The following STARD8 variants were observed in gnomAD, a reference collection of about 807,000 sequenced individuals.
STARD8 encodes stAR-related lipid transfer protein 8.
STARD8 carries 25 observed loss-of-function variants against 69.4 expected under a neutral mutation model. The observed-to-expected ratio is 0.36, with a 90% CI of 0.26 to 0.50. STARD8 has a LOEUF of 0.50. STARD8 is among the 20% of genes least tolerant of loss of function. STARD8 has a pLI of 0.96. For synonymous variants in STARD8, 389 were observed against 374.6 expected (o/e 1.04, Z -0.45); for missense variants, 921 against 932.5 (o/e 0.99, Z 0.16).
intron 2 of STARD8, among the ~76,000 whole-genome samples, chrX:68,665,921 G>A (rs1264872024): frequency 8.9e-6 from 1 of 112,094 alleles, no homozygotes; most frequent in Admixed American, 9.4e-5. Context: ...GTAAAGGAAG[G>A]AGACTTGGAA....
intron 1 of STARD8, among the ~76,000 whole-genome samples, chrX:68,659,774 GAGAA>G (rs971080619): frequency 6.3e-5 from 7 of 111,845 alleles, no homozygotes; most frequent in Admixed American, 4.7e-4. Flanking sequence ...CCCAAGGCAG[GAGAA>G]AGATTGGGGG....
At chrX:68,690,457 T>C (rs1167431660) in intron 2 of STARD8, among the ~76,000 whole-genome samples, 2 of 109,537 alleles carry the variant, frequency 1.8e-5, no homozygotes, top group African/African-American at 3.4e-5. Flanking sequence ...TTGGGAGTCC[T>C]CAGGTAGGCC....
intron 2 of STARD8, among the ~76,000 whole-genome samples, chrX:68,696,786 T>A (rs1362591146): frequency 1.8e-5 from 2 of 111,937 alleles, no homozygotes; most frequent in African/African-American, 6.5e-5. Context: ...TGGTGCTAGG[T>A]CTTGTGGAGG....
At chrX:68,648,763 T>C (rs1370081554) in intron 1 of STARD8, among the ~76,000 whole-genome samples, 4 of 112,052 alleles carry the variant, frequency 3.6e-5, no homozygotes, top group Non-Finnish European at 5.6e-5. Flanking sequence ...CCATGGGGGA[T>C]ACATGAGCAC....
intron 2 of STARD8, among the ~76,000 whole-genome samples, chrX:68,668,136 TTTC>T (rs1302713124): frequency 6.7e-5 from 7 of 104,476 alleles, no homozygotes; most frequent in Non-Finnish European, 1.4e-4. Context: ...TTTCTTTCTC[TTTC>T]TTTTCTTTCT....
intron 2 of STARD8, among the ~76,000 whole-genome samples, chrX:68,666,675 G>T (rs1231128918): frequency 8.9e-6 from 1 of 112,128 alleles, no homozygotes; most frequent in Non-Finnish European, 1.9e-5. Context: ...TGCCATGACA[G>T]CAGAGAAGAG....
At chrX:68,711,095 C>A (rs1467427022) in intron 2 of STARD8, among the ~76,000 whole-genome samples, 3 of 111,758 alleles carry the variant, frequency 2.7e-5, no homozygotes, top group Non-Finnish European at 3.8e-5. Context: ...CCCTGCCAGA[C>A]AGGTGGAGGT....
intron 2 of STARD8, among the ~76,000 whole-genome samples, chrX:68,697,726 G>A (rs761346514): frequency 1.3e-4 from 14 of 111,940 alleles, no homozygotes; most frequent in East Asian, 2.8e-4. Context: ...TTTCCCTTCC[G>A]CCCCAGTAAG....
rs150061669 is a variant in STARD8 at position 68,665,972 on chromosome X, A to G, written c.79+440A>G. ...CTGTTATATTCCCAGCACTTGCTTT[A>G]TCTAGAAGGCTTCCAACAGGAGGTA... is the stretch of plus-strand genomic sequence containing the variant. On this transcript the variant is annotated intron_variant, in intron 2 of 14. Coordinates refer to ENST00000374599, the MANE Select transcript of STARD8 (RefSeq NM_001142503.3). 3.7e-3 allele frequency among the ~76,000 whole-genome samples: 409 copies of G among 111,946 alleles called. 2 individuals carry two copies. The highest frequency in any genetic ancestry group is 0.013 in the African/African-American group (385 of 30,781).
intron 2 of STARD8, among the ~76,000 whole-genome samples, chrX:68,678,217 G>A (rs983117484): frequency 3.6e-5 from 4 of 111,551 alleles, no homozygotes; most frequent in African/African-American, 1.3e-4. Context: ...TCAATCAGGA[G>A]AAACAGTCAG....
At chrX:68,662,866 C>T (rs1320190423) in intron 1 of STARD8, among the ~76,000 whole-genome samples, 2 of 112,182 alleles carry the variant, frequency 1.8e-5, no homozygotes, top group African/African-American at 3.2e-5. Flanking sequence ...TGCATGTAAT[C>T]GACTCCCCCT....
chrX:68,652,934 C>CCA (rs1355979932), intron 1 of STARD8, among the ~76,000 whole-genome samples: 1 of 53,825 alleles, frequency 1.9e-5, no homozygotes, highest in Non-Finnish European at 3.3e-5. Context: ...ATCACACACA[C>CCA]CACACACACA....
At chrX:68,683,529 C>A (rs966929134) in intron 2 of STARD8, among the ~76,000 whole-genome samples, 3 of 112,173 alleles carry the variant, frequency 2.7e-5, no homozygotes, top group Non-Finnish European at 5.6e-5. Flanking sequence ...AAGGCCATGG[C>A]CTGGAGGCAT....
chrX:68,683,074 C>T (rs754233311), intron 2 of STARD8, among the ~76,000 whole-genome samples: 1 of 112,171 alleles, frequency 8.9e-6, no homozygotes, highest in Admixed American at 9.4e-5. Context: ...TGGCTCAGCC[C>T]CAGGATTAGC....
At chrX:68,677,860 CAT>C (rs1184711877) in intron 2 of STARD8, among the ~76,000 whole-genome samples, 2 of 80,484 alleles carry the variant, frequency 2.5e-5, no homozygotes, top group African/African-American at 9.8e-5. Context: ...ATGTATGATA[CAT>C]ATATATAGAG....
intron 1 of STARD8, among the ~76,000 whole-genome samples, chrX:68,653,138 A>C (rs1446747763): frequency 7.3e-5 from 5 of 68,557 alleles, no homozygotes; most frequent in Admixed American, 1.6e-4. Context: ...CACACCACAC[A>C]CCACACACAC....
intron 2 of STARD8, among the ~76,000 whole-genome samples, chrX:68,699,124 G>C (rs758090907): frequency 1.8e-5 from 2 of 111,833 alleles, no homozygotes; most frequent in Admixed American, 9.4e-5. Flanking sequence ...AAGTTAATGA[G>C]TGAACTGCTC....
Position 68,719,281 on chromosome X carries a change from C to T in STARD8, c.1772C>T (p.Ser591Leu), listed in dbSNP as rs139484005. ...NSHRPSLNSE[S>L]LEINRQFAGQ... is the part of the protein sequence containing the mutation. ...CATCGTCCCAGCCTCAACTCAGAGT[C>T]GCTGGAGATCAACCGGCAGTTTGCA... The change falls in exon 7 of 15, where the codon TCG (serine) becomes TTG (leucine). Residue 591 changes from serine (S) to leucine (L), a missense_variant. Physicochemically the swap from Ser to Leu is moderately radical, Grantham distance 145 (BLOSUM62 -2). Coordinates refer to ENST00000374599, the MANE Select transcript of STARD8 (RefSeq NM_001142503.3). The T allele has an allele frequency of 4.9e-5, 59 of 1,207,307 alleles. 1 individual carries two copies. The highest frequency in any genetic ancestry group is 1.9e-4 in the African/African-American group (11 of 57,353).
At chrX:68,650,898 C>A (rs925842333) in intron 1 of STARD8, among the ~76,000 whole-genome samples, 1 of 112,765 alleles carries the variant, frequency 8.9e-6, no homozygotes, top group Non-Finnish European at 1.9e-5. Context: ...GGGTCCCAGA[C>A]GTTTGCACGC....
Sources: gnomAD v4.1 joint callset for allele counts (sites outside exome capture counted in the v4.1 genomes callset) on GRCh38, gnomAD v4.1.1 for gene constraint, MANE v1.5 for transcripts, NCBI Gene and HGNC (gene_info 2026-07-23, HGNC 2026-07-21) for gene names.